The following POTEI variants were observed in gnomAD, a reference collection of about 807,000 sequenced individuals.
POTEI encodes POTE ankyrin domain family, member I.
In POTEI, 14 loss-of-function variants were observed where a neutral mutation model predicts 43.4. That is an observed-to-expected ratio of 0.32 (90% CI 0.21 to 0.50). POTEI has a LOEUF of 0.50. Among genes scored for constraint, POTEI ranks in the 20% least tolerant of loss-of-function variants. POTEI has a pLI of 0.98. For missense variants in POTEI, 235 were observed against 795.4 expected, an observed-to-expected ratio of 0.30 and a Z score of 8.47; for synonymous variants, 95 against 297.9, an observed-to-expected ratio of 0.32 and a Z score of 7.01.
At chr2:130,502,012 TATTAC>T (rs1431108375) in intron 3 of POTEI, among the ~76,000 whole-genome samples, 1 of 35,118 alleles carries the variant, frequency 2.8e-5, no homozygotes, top group African/African-American at 5.6e-5. Flanking sequence ...AGAATTTACA[TATTAC>T]ATTTATGTAT....
At chr2:130,487,494 TG>T (rs550852863) in intron 9 of POTEI, among the ~76,000 whole-genome samples, 1,115 of 13,952 alleles carry the variant, frequency 0.08, no homozygotes, top group African/African-American at 0.17. Flanking sequence ...GCAACACAGA[TG>T]GAGCTGGAGG....
chr2:130,479,768 C>G (rs1183164582), intron 10 of POTEI, among the ~76,000 whole-genome samples: 23 of 41,142 alleles, frequency 5.6e-4, no homozygotes, highest in Middle Eastern at 0.01. Flanking sequence ...CTCCCCTGCT[C>G]AAATTTCTCC....
At chr2:130,464,820 A>ATC (rs1186057242) in intron 14 of POTEI, among the ~76,000 whole-genome samples, 1 of 150,232 alleles carries the variant, frequency 6.7e-6, no homozygotes, top group African/African-American at 2.4e-5. Context: ...TCTTAAAAGG[A>ATC]GAGGTCAAAA....
chr2:130,478,666 C>A (rs1451132881), intron 10 of POTEI, among the ~76,000 whole-genome samples: 1 of 127,820 alleles, frequency 7.8e-6, no homozygotes, highest in Non-Finnish European at 1.6e-5. Flanking sequence ...TTCATATGCT[C>A]CTTGCTCTTT....
chr2:130,464,508 C>T (rs2246834), intron 14 of POTEI, among the ~76,000 whole-genome samples: 6 of 139,604 alleles, frequency 4.3e-5, no homozygotes, highest in Admixed American at 7.3e-5. Context: ...ATAAGATTAA[C>T]AATTTGACTA....
At chr2:130,474,885 A>G in intron 12 of POTEI, 22 bp downstream of exon 12, 2 of 343,948 alleles carry the variant, frequency 5.8e-6, no homozygotes, top group Non-Finnish European at 9.8e-6. Context: ...TTCAACACAA[A>G]CATTTGAATA....
At chr2:130,494,000 T>G (rs1340804808) in intron 6 of POTEI, among the ~76,000 whole-genome samples, 1 of 42,562 alleles carries the variant, frequency 2.3e-5, no homozygotes, top group African/African-American at 5.7e-5. Flanking sequence ...AAAACTTCCT[T>G]TGTCTCCTGG....
In POTEI at chr2:130,460,946, A is replaced by G. The variant is rs1251731288; in HGVS notation, c.*1870T>C. 6.9e-6 allele frequency: 1 copy of G among 145,766 alleles called. No homozygotes were observed. The highest frequency in any genetic ancestry group is 1.9e-4 in the East Asian group (1 of 5,134). The allele number at this position is 145,766 out of a possible 1,614,324, so 9.0% of individuals were successfully genotyped here. A position where few individuals can be genotyped will look rare whatever the true frequency, so the allele number is the denominator to read the frequency against. ...CCAGGCCAGGAGGATCTGCCCATCAAGTAGAGAGCCTGGCCACTTTTCTGT... is the reference window on the plus strand; with the variant it reads ...CCAGGCCAGGAGGATCTGCCCATCAGGTAGAGAGCCTGGCCACTTTTCTGT... On this transcript the variant is annotated 3_prime_UTR_variant, in exon 15 of 15. Coordinates refer to ENST00000451531, the MANE Select transcript of POTEI (RefSeq NM_001277406.2).
At chr2:130,488,619 G>A (rs1157568070) in intron 8 of POTEI, among the ~76,000 whole-genome samples, 3 of 128,162 alleles carry the variant, frequency 2.3e-5, no homozygotes, top group Admixed American at 7.9e-5. Flanking sequence ...GTCAGATTTA[G>A]AGGATGACAC....
Position 130,509,176 on chromosome 2 carries a change from G to A in POTEI, c.60C>T (p.Leu20=), listed in dbSNP as rs1204795086. ...AASSVKKPFV[L]RSKMGKWCRH... Reference sequence around the variant, plus strand: ...GGCACCACTTGCCCATCTTGCTCCTGAGAACAAATGGCTTCTTCACAGAAG... The same window carrying A: ...GGCACCACTTGCCCATCTTGCTCCTAAGAACAAATGGCTTCTTCACAGAAG... The change falls in exon 1 of 15, where the codon CTC becomes CTT. Residue 20 remains leucine (L), a synonymous_variant. Transcript: ENST00000451531. 6.7e-7 allele frequency: 1 copy of A among 1,502,862 alleles called. No individual in the cohort carries two copies. The highest frequency in any genetic ancestry group is 1.2e-5 in the South Asian group (1 of 85,222). The allele number at this position is 1,502,862 out of a possible 1,614,324, so 93.1% of individuals were successfully genotyped here.
chr2:130,502,250 AC>A (rs1459635816), intron 3 of POTEI, among the ~76,000 whole-genome samples: 1 of 11,448 alleles, frequency 8.7e-5, no homozygotes, highest in African/African-American at 1.5e-4. Context: ...TTTCAAATAT[AC>A]ATATCCAGGC....
At position 130,460,973 on chromosome 2, in the gene POTEI, G is replaced by C. The variant is rs138640247; in HGVS notation, c.*1843C>G. The C allele has an allele frequency of 0.075, 10,987 of 146,468 alleles. 645 individuals carry two copies. The highest frequency in any genetic ancestry group is 0.12 in the Middle Eastern group (35 of 290). 9.1% of individuals were successfully genotyped at this position (146,468 alleles called of 1,614,324 possible). ...TAGAGAGCCTGGCCACTTTTCTGTAGGGCTGCTGTGGTATGCTGGGGGTCC... is the reference window on the plus strand; with the variant it reads ...TAGAGAGCCTGGCCACTTTTCTGTACGGCTGCTGTGGTATGCTGGGGGTCC... On this transcript the variant is annotated 3_prime_UTR_variant, in exon 15 of 15. Transcript: ENST00000451531.
In POTEI at chr2:130,483,802, C is replaced by T. The variant is rs1318399829; in HGVS notation, c.1410-1729G>A. ...AGTAGAGATGGGGTTTCACTGGTCT[C>T]GATCTCCTGACCTCGTGATCCGCCT... On this transcript the variant is annotated intron_variant, in intron 9 of 14. Coordinates refer to ENST00000451531, the MANE Select transcript of POTEI (RefSeq NM_001277406.2). Among the ~76,000 whole-genome samples, 4 of 150,070 alleles carry T rather than the reference C, an allele frequency of 2.7e-5. No homozygotes were observed. The South Asian group carries it at 6.4e-4, about 24-fold the overall frequency.
chr2:130,501,908 AAAAAG>A (rs1684067517), intron 3 of POTEI, among the ~76,000 whole-genome samples: 1 of 5,076 alleles, frequency 2.0e-4, no homozygotes, highest in African/African-American at 3.1e-4. Flanking sequence ...AAAAAAAAAA[AAAAAG>A]TCAGATTAAT....
At chr2:130,477,157 T>C (rs1227478342) in intron 10 of POTEI, among the ~76,000 whole-genome samples, 1 of 151,434 alleles carries the variant, frequency 6.6e-6, no homozygotes, top group Non-Finnish European at 1.5e-5. Context: ...TTTTTCTTTT[T>C]TCTTTTTTTT....
intron 1 of POTEI, among the ~76,000 whole-genome samples, chr2:130,507,396 G>GTA (rs1558896093): frequency 1.9e-4 from 1 of 5,192 alleles, no homozygotes; most frequent in African/African-American, 5.4e-4. Context: ...GTATATATAT[G>GTA]TATATATGTG....
At chr2:130,467,991 A>G (rs1682895655) in intron 13 of POTEI, among the ~76,000 whole-genome samples, 1 of 131,278 alleles carries the variant, frequency 7.6e-6, no homozygotes, top group Admixed American at 7.7e-5. Context: ...CGGTGAAAAG[A>G]CAACAGTGAT....
rs1429704485 is a variant in POTEI at position 130,460,384 on chromosome 2, A to G, written c.*2432T>C. ...CAAGTCTCCTTTTTTTAAAAAGGGA[A>G]CTCTCGGACCTGATCTCTGCTGGGC... On this transcript the variant is annotated 3_prime_UTR_variant, in exon 15 of 15. Coordinates refer to ENST00000451531, the MANE Select transcript of POTEI (RefSeq NM_001277406.2). 5.9e-5 allele frequency: 9 copies of G among 151,976 alleles called. No homozygotes were observed. Among genetic ancestry groups the G allele is most frequent in the Admixed American group, 5.2e-4 (8 of 15,274 alleles). The allele number at this position is 151,976 out of a possible 1,614,324, so 9.4% of individuals were successfully genotyped here. A position where few individuals can be genotyped will look rare whatever the true frequency, so the allele number is the denominator to read the frequency against.
chr2:130,509,138 G>C lies in POTEI; in HGVS notation c.98C>G (p.Pro33Arg). 1 of 1,511,240 alleles carries C rather than the reference G, an allele frequency of 6.6e-7. No homozygotes were observed. The highest frequency in any genetic ancestry group is 2.2e-5 in the African/African-American group (1 of 45,468). 93.6% of individuals were successfully genotyped at this position (1,511,240 alleles called of 1,614,324 possible). The change falls in exon 1 of 15, where the codon CCC becomes CGC. Residue 33 changes from proline (P) to arginine (R), a missense_variant. Physicochemically the swap from Pro to Arg is moderately radical, Grantham distance 103. Transcript: ENST00000451531. ...GCTCTTGCCGCTCCCCCTGCAGCAG[G>C]GGAAGCAGTGGCGGCACCACTTGCC... ...KMGKWCRHCFPCCRGSGKSNV... is the reference protein window; with the variant it reads ...KMGKWCRHCFRCCRGSGKSNV...
Sources: gnomAD v4.1 joint callset for allele counts (sites outside exome capture counted in the v4.1 genomes callset) on GRCh38, gnomAD v4.1.1 for gene constraint, MANE v1.5 for transcripts, NCBI Gene and HGNC (gene_info 2026-07-23, HGNC 2026-07-21) for gene names.